PTPRM: variants seen among roughly 807,000 people sequenced by gnomAD.
The protein encoded by PTPRM is protein tyrosine phosphatase receptor type M, also known as receptor-type tyrosine-protein phosphatase mu.
A neutral mutation model predicts 186.7 loss-of-function variants in PTPRM; 47 were observed. The ratio of observed to expected loss-of-function variants is 0.25; its 90% CI spans 0.20 to 0.32. The LOEUF is 0.32. Ranked by LOEUF, PTPRM falls within the 10% of genes least tolerant of loss-of-function variation. The pLI, the probability that PTPRM is intolerant of heterozygous loss-of-function variation, is 1.00. For synonymous variants in PTPRM, 668 were observed against 674.9 expected, an observed-to-expected ratio of 0.99 and a Z score of 0.16; for missense variants, 1,494 against 1,865.0, an observed-to-expected ratio of 0.80 and a Z score of 3.66.
chr18:8,150,031 G>A (rs1256073249), intron 14 of PTPRM, among the ~76,000 whole-genome samples: 1 of 152,108 alleles, frequency 6.6e-6, no homozygotes, highest in East Asian at 1.9e-4. Flanking sequence ...TAGTCTGAGG[G>A]GCTTCCCTTG....
Position 7,903,224 on chromosome 18 carries a change from G to A in PTPRM, c.469-3281G>A, listed in dbSNP as rs895608438. ...TGAATGAATGCATGGATGAATAAGA[G>A]AGAAGAAGGAAGAGAGGATGGCAGG... On this transcript the variant is annotated intron_variant, in intron 3 of 32. Coordinates refer to ENST00000580170, the MANE Select transcript of PTPRM (RefSeq NM_001105244.2). Among the ~76,000 whole-genome samples the A allele has an allele frequency of 2.6e-5, 4 of 152,216 alleles. No homozygotes were observed. In the South Asian group the frequency reaches 8.3e-4, roughly 31 times the overall value.
At chr18:7,843,613 G>A (rs17473348) in intron 2 of PTPRM, among the ~76,000 whole-genome samples, 6,876 of 152,242 alleles carry the variant, frequency 0.045, 207 homozygotes, top group Middle Eastern at 0.088. Context: ...TGAATGGGCT[G>A]TTGCATGAAC....
intron 1 of PTPRM, among the ~76,000 whole-genome samples, chr18:7,739,999 T>C (rs926778557): frequency 6.6e-6 from 1 of 152,234 alleles, no homozygotes; most frequent in African/African-American, 2.4e-5. Context: ...TTAGCCACAT[T>C]GTGCTGTTTA....
intron 1 of PTPRM, among the ~76,000 whole-genome samples, chr18:7,666,711 G>A (rs1405048152): frequency 1.3e-5 from 2 of 152,226 alleles, no homozygotes; most frequent in African/African-American, 4.8e-5. Context: ...AAACATTTTT[G>A]TTTTTATTTA....
rs1476993847 is a variant in PTPRM, at chr18:8,376,608, T to C, written c.3462+11T>C. The C allele has an allele frequency of 2.5e-6, 4 of 1,608,178 alleles. No homozygotes were observed. The highest frequency in any genetic ancestry group is 2.2e-5 in the East Asian group (1 of 44,798). Reference sequence around the variant, plus strand: ...ATGGTGCAAACAGAGGTACTCCCGCTCATCACCTAGCCTGGGGCCTTGGTC... The same window carrying C: ...ATGGTGCAAACAGAGGTACTCCCGCCCATCACCTAGCCTGGGGCCTTGGTC... On this transcript the variant is annotated intron_variant, in intron 26 of 32. Transcript: ENST00000580170.
rs115431789 is a variant in PTPRM, at chr18:7,662,086, A to T, written c.73+94195A>T. Among the ~76,000 whole-genome samples, 846 of 150,274 alleles carry T rather than the reference A, an allele frequency of 5.6e-3. 8 individuals are homozygous for T. Among genetic ancestry groups the T allele is most frequent in the African/African-American group, 0.02 (806 of 40,020 alleles). The stretch of plus-strand genomic sequence containing the variant: ...GCGGGTGCCACCGGTGGGTGCCACC[A>T]TGCCTGGCTAAATTTTTTTTTGTAT... On this transcript the variant is annotated intron_variant, in intron 1 of 32. Transcript: ENST00000580170.
At chr18:8,191,958 T>C (rs1355171902) in intron 14 of PTPRM, among the ~76,000 whole-genome samples, 1 of 152,190 alleles carries the variant, frequency 6.6e-6, no homozygotes, top group Admixed American at 6.5e-5. Context: ...TCATTTTCTA[T>C]ATATTCTTGT....
rs536534445 is a variant in PTPRM, at chr18:8,205,616, T to A, written c.2301-38442T>A. Among the ~76,000 whole-genome samples, 3 of 152,348 alleles carry A rather than the reference T, an allele frequency of 2.0e-5. No individual in the cohort carries two copies. The East Asian group carries it at 5.8e-4, about 29-fold the overall frequency. ...TTATGCTTGAGTTAGAAAAATAATT[T>A]GACACATCCACTACCCATAACACAT... is the stretch of plus-strand genomic sequence containing the variant. On this transcript the variant is annotated intron_variant, in intron 14 of 32. Transcript: ENST00000580170.
rs568708906 is a variant in PTPRM, at chr18:8,326,744, A to G, written c.2956+7530A>G. ...ATGGTGCTGGGATAACTGGCTAGCC[A>G]TATGCAGAAGATTGAAACTGGACCC... is the stretch of plus-strand genomic sequence containing the variant. On this transcript the variant is annotated intron_variant, in intron 22 of 32. Coordinates refer to ENST00000580170, the MANE Select transcript of PTPRM (RefSeq NM_001105244.2). Among the ~76,000 whole-genome samples the G allele has an allele frequency of 3.3e-5, 5 of 152,338 alleles. No individual in the cohort carries two copies. In the East Asian group the frequency reaches 5.8e-4, roughly 18 times the overall value.
chr18:7,705,936 G>A (rs2040077664), intron 1 of PTPRM, among the ~76,000 whole-genome samples: 1 of 147,838 alleles, frequency 6.8e-6, no homozygotes, highest in Admixed American at 6.8e-5. Context: ...TGATACAAGA[G>A]CACTATAGTG....
At chr18:8,330,398 A>T (rs2095405791) in intron 22 of PTPRM, among the ~76,000 whole-genome samples, 1 of 152,186 alleles carries the variant, frequency 6.6e-6, no homozygotes, top group South Asian at 2.1e-4. Flanking sequence ...GCACTGAGCT[A>T]TGTCTAGGGA....
chr18:8,153,387 T>C (rs1463215478), intron 14 of PTPRM, among the ~76,000 whole-genome samples: 1 of 152,186 alleles, frequency 6.6e-6, no homozygotes, highest in Non-Finnish European at 1.5e-5. Flanking sequence ...AAATTATGCA[T>C]TGAAGAGATG....
At chr18:7,948,775 A>G (rs910462292) in intron 5 of PTPRM, among the ~76,000 whole-genome samples, 46 of 152,188 alleles carry the variant, frequency 3.0e-4, no homozygotes, top group African/African-American at 1.1e-3. Flanking sequence ...CATTTATAAA[A>G]TGAGGTCAGT....
At chr18:7,886,506 T>C (rs1006835020) in intron 2 of PTPRM, among the ~76,000 whole-genome samples, 1 of 152,156 alleles carries the variant, frequency 6.6e-6, no homozygotes, top group Non-Finnish European at 1.5e-5. Flanking sequence ...GCTTGAAAAA[T>C]TGCTCTGTTT....
chr18:7,888,110 T>C lies in PTPRM; in HGVS notation c.201T>C (p.Ser67=), dbSNP rs1219846613. Residue 67 remains serine (S), a synonymous_variant, in exon 3 of 33, where the codon TCT becomes TCC. Transcript: ENST00000580170. ...TCCTTGATTTTGTTTTTGCAGGTTCTTTCATGCTGGTGAATGCCTCTGGGA... is the reference window on the plus strand; with the variant it reads ...TCCTTGATTTTGTTTTTGCAGGTTCCTTCATGCTGGTGAATGCCTCTGGGA... ...PTSDPWMPSG[S]FMLVNASGRP... 4 of 1,614,178 alleles carry C rather than the reference T, an allele frequency of 2.5e-6. No individual in the cohort carries two copies. Among genetic ancestry groups the C allele is most frequent in the Non-Finnish European group, 1.7e-6 (2 of 1,180,006 alleles).
At chr18:8,253,537 A>T in intron 19 of PTPRM, 123 bp downstream of exon 19, 1 of 923,688 alleles carries the variant, frequency 1.1e-6, no homozygotes, top group Non-Finnish European at 1.5e-6. Context: ...CCAGAAAGAG[A>T]TGAAGTACAG....
intron 1 of PTPRM, among the ~76,000 whole-genome samples, chr18:7,759,565 C>CT (rs1307589850): frequency 6.6e-6 from 1 of 152,132 alleles, no homozygotes. Context: ...ATACTGTCTT[C>CT]TTTTTTTAAA....
rs752473315 is a variant in PTPRM at position 8,378,286 on chromosome 18, G to A, written c.3484G>A (p.Asp1162Asn). The change falls in exon 27 of 33, where the codon GAT (aspartate) becomes AAT (asparagine). Residue 1162 changes from aspartate to asparagine, a missense_variant. By Grantham distance (23) the Asp-to-Asn change is conservative. Coordinates refer to ENST00000580170, the MANE Select transcript of PTPRM (RefSeq NM_001105244.2). Reference sequence around the variant, plus strand: ...CCAGGAGCAGTATGTGTTTATCCACGATGCGATCCTGGAAGCCTGTCTTTG... The same window carrying A: ...CCAGGAGCAGTATGTGTTTATCCACAATGCGATCCTGGAAGCCTGTCTTTG... ...QTEEQYVFIH[D>N]AILEACLCGD... 6.2e-6 allele frequency: 10 copies of A among 1,612,318 alleles called. No individual in the cohort carries two copies. The highest frequency in any genetic ancestry group is 1.3e-5 in the African/African-American group (1 of 74,846).
At chr18:7,873,055 AG>A (rs1183298179) in intron 2 of PTPRM, among the ~76,000 whole-genome samples, 6 of 152,174 alleles carry the variant, frequency 3.9e-5, no homozygotes, top group African/African-American at 1.2e-4. Context: ...TTTAAATGAT[AG>A]ATTTTATTTT....
Sources: allele counts gnomAD v4.1 joint callset (sites outside exome capture counted in the v4.1 genomes callset), GRCh38; gene constraint gnomAD v4.1.1; transcripts MANE v1.5; gene names NCBI Gene and HGNC (gene_info 2026-07-23, HGNC 2026-07-21).